Variants in HEPHL1 observed in about 807,000 individuals in gnomAD.
HEPHL1 encodes hephaestin like 1.
HEPHL1 carries 123 observed loss-of-function variants against 122.0 expected under a neutral mutation model. The ratio of observed to expected loss-of-function variants is 1.01; its 90% CI spans 0.87 to 1.17. The LOEUF (loss-of-function observed/expected upper bound fraction) is 1.17. Among genes scored for constraint, HEPHL1 ranks in the 50% most tolerant of loss-of-function variants. The probability of loss-of-function intolerance (pLI) is 0.00; values close to 1 mark genes in which losing one functional copy is unlikely to be tolerated. For missense variants in HEPHL1, 1,452 were observed against 1,430.5 expected (o/e 1.01, Z -0.24); for synonymous variants, 527 against 508.9 (o/e 1.04, Z -0.48).
intron 9 of HEPHL1, among the ~76,000 whole-genome samples, chr11:94,078,054 A>G (rs1333193660): frequency 6.6e-6 from 1 of 152,182 alleles, no homozygotes; most frequent in Non-Finnish European, 1.5e-5. Flanking sequence ...AGATAAGTGC[A>G]ATGGAGCAAG....
chr11:94,104,822 C>G, intron 16 of HEPHL1, 72 bp downstream of exon 16: 2 of 1,128,720 alleles, frequency 1.8e-6, no homozygotes, highest in Non-Finnish European at 2.6e-6. Context: ...GTAGGAGGCT[C>G]CCAGCATCCT....
chr11:94,072,358 G>A (rs1467144666), intron 6 of HEPHL1, among the ~76,000 whole-genome samples: 1 of 152,046 alleles, frequency 6.6e-6, no homozygotes, highest in Non-Finnish European at 1.5e-5. Context: ...AAGGAGGATA[G>A]AAAAGGAAGA....
intron 10 of HEPHL1, among the ~76,000 whole-genome samples, chr11:94,083,204 A>C (rs557081157): frequency 3.2e-4 from 49 of 152,356 alleles, no homozygotes; most frequent in Non-Finnish European, 6.2e-4. Flanking sequence ...CCAAAGTGAC[A>C]ATAGGAGATA....
At chr11:94,031,530 A>G (rs1257327949) in intron 1 of HEPHL1, among the ~76,000 whole-genome samples, 1 of 152,172 alleles carries the variant, frequency 6.6e-6, no homozygotes, top group Non-Finnish European at 1.5e-5. Flanking sequence ...GTTGAAGAAC[A>G]TTTTGGTCTT....
At chr11:94,082,692 T>A in intron 10 of HEPHL1, 124 bp downstream of exon 10, 1 of 820,676 alleles carries the variant, frequency 1.2e-6, no homozygotes, top group Non-Finnish European at 1.9e-6. Flanking sequence ...CATGAGTAAG[T>A]TATTTCATGC....
intron 5 of HEPHL1, among the ~76,000 whole-genome samples, chr11:94,068,353 G>A (rs1946050851): frequency 6.6e-6 from 1 of 152,154 alleles, no homozygotes; most frequent in Admixed American, 6.6e-5. Flanking sequence ...AGTTATAGCA[G>A]CTCATCTCAT....
intron 12 of HEPHL1, among the ~76,000 whole-genome samples, chr11:94,089,597 C>T (rs1591483866): frequency 6.6e-6 from 1 of 152,312 alleles, no homozygotes; most frequent in Non-Finnish European, 1.5e-5. Context: ...GTAAGCATTG[C>T]TCCTCCAGGG....
rs768240035 is a variant in HEPHL1 at position 94,111,690 on chromosome 11, A to G, written c.3278-2A>G. ...GGCCTGACAAGTTTATCTTTTTCAC[A>G]GAACGACCTGGCAAAGAGCAGCTCT... is the stretch of plus-strand genomic sequence containing the variant. On this transcript the variant is annotated splice_acceptor_variant, in intron 19 of 19. Coordinates refer to ENST00000315765, the MANE Select transcript of HEPHL1 (RefSeq NM_001098672.2). LOFTEE classifies it high-confidence loss of function. 1.2e-6 allele frequency: 2 copies of G among 1,612,762 alleles called. No individual in the cohort carries two copies. The highest frequency in any genetic ancestry group is 2.2e-5 in the East Asian group (1 of 44,854).
intron 2 of HEPHL1, among the ~76,000 whole-genome samples, chr11:94,049,465 C>T (rs1428657188): frequency 6.6e-6 from 1 of 151,956 alleles, no homozygotes; most frequent in African/African-American, 2.4e-5. Context: ...AAAACTAGAA[C>T]TCCCATATGA....
chr11:94,062,270 C>T lies in HEPHL1; in HGVS notation c.416-1238C>T, dbSNP rs546623079. Among the ~76,000 whole-genome samples the T allele has an allele frequency of 2.6e-5, 4 of 152,264 alleles. No homozygotes were observed. In the South Asian group the frequency reaches 8.3e-4, roughly 32 times the overall value. On this transcript the variant is annotated intron_variant, in intron 2 of 19. Coordinates refer to ENST00000315765, the MANE Select transcript of HEPHL1 (RefSeq NM_001098672.2). ...ACTTAATAAAAAATGAATATTAATA[C>T]TTTTCATATGGGATTGCTTTGAAAA...
At chr11:94,046,000 C>A in intron 2 of HEPHL1, 83 bp downstream of exon 2, 2 of 1,230,946 alleles carry the variant, frequency 1.6e-6, no homozygotes, top group Non-Finnish European at 2.3e-6. Flanking sequence ...ATTTTAGGAG[C>A]ACATTGATTA....
intron 16 of HEPHL1, 98 bp from the exon 17 acceptor site, chr11:94,105,893 G>T: frequency 1.3e-6 from 1 of 793,828 alleles, no homozygotes; most frequent in East Asian, 2.8e-5. Flanking sequence ...TTACTAGACA[G>T]ATGAAAATAT....
chr11:94,051,281 G>C lies in HEPHL1; in HGVS notation c.415+5364G>C, dbSNP rs544141346. Among the ~76,000 whole-genome samples, 390 of 152,086 alleles carry C rather than the reference G, an allele frequency of 2.6e-3. 2 individuals are homozygous for C. The highest frequency in any genetic ancestry group is 3.8e-3 in the Non-Finnish European group (261 of 67,970). ...TACATTCCCACCAACAATGTACAAG[G>C]GTTCCATTTTCTCCACATCCTCACT... On this transcript the variant is annotated intron_variant, in intron 2 of 19. Coordinates refer to ENST00000315765, the MANE Select transcript of HEPHL1 (RefSeq NM_001098672.2).
At chr11:94,054,286 TGA>T (rs1945916659) in intron 2 of HEPHL1, among the ~76,000 whole-genome samples, 2 of 152,188 alleles carry the variant, frequency 1.3e-5, no homozygotes, top group Admixed American at 1.3e-4. Flanking sequence ...ATTGGATATT[TGA>T]GAGGGACCAA....
chr11:94,046,806 T>C (rs1046583272), intron 2 of HEPHL1, among the ~76,000 whole-genome samples: 1 of 151,986 alleles, frequency 6.6e-6, no homozygotes, highest in Admixed American at 6.6e-5. Context: ...ATCAAAAATA[T>C]TTTTTTTGAA....
intron 1 of HEPHL1, among the ~76,000 whole-genome samples, chr11:94,036,044 T>C (rs1461147397): frequency 6.6e-6 from 1 of 152,170 alleles, no homozygotes; most frequent in Non-Finnish European, 1.5e-5. Context: ...CCTGAAAGTC[T>C]CTTTTAAATT....
intron 9 of HEPHL1, among the ~76,000 whole-genome samples, chr11:94,079,970 A>G (rs569908659): frequency 2.0e-5 from 3 of 152,198 alleles, no homozygotes; most frequent in Non-Finnish European, 4.4e-5. Flanking sequence ...GGAACCAAAA[A>G]GGAGCCCATA....
chr11:94,070,648 A>C, intron 6 of HEPHL1, 106 bp downstream of exon 6: 1 of 906,398 alleles, frequency 1.1e-6, no homozygotes, highest in Non-Finnish European at 1.7e-6. Flanking sequence ...ATGAGCTTAT[A>C]CTGCATAGAT....
chr11:94,049,668 T>C (rs1169022207), intron 2 of HEPHL1, among the ~76,000 whole-genome samples: 1 of 151,478 alleles, frequency 6.6e-6, no homozygotes, highest in African/African-American at 2.4e-5. Context: ...TTAATTTCAG[T>C]GCTCTTAATT....
Sources: gnomAD v4.1 joint callset for allele counts (sites outside exome capture counted in the v4.1 genomes callset) on GRCh38, gnomAD v4.1.1 for gene constraint, MANE v1.5 for transcripts, NCBI Gene and HGNC (gene_info 2026-07-23, HGNC 2026-07-21) for gene names.